Variants in DCC observed in about 807,000 individuals in gnomAD.
The protein encoded by DCC is DCC netrin 1 receptor, also known as netrin receptor DCC.
Under a neutral mutation model 172.5 loss-of-function variants are expected in DCC, and 58 were observed. The observed-to-expected ratio is 0.34, with a 90% CI of 0.27 to 0.42. DCC has a LOEUF of 0.42. DCC is among the 10% of genes least tolerant of loss of function. The pLI, the probability that DCC is intolerant of heterozygous loss-of-function variation, is 1.00. For synonymous variants in DCC, 709 were observed against 644.5 expected (o/e 1.10, Z -1.52); for missense variants, 1,740 against 1,791.0 (o/e 0.97, Z 0.51).
At chr18:52,673,749 T>G (rs948789420) in intron 1 of DCC, among the ~76,000 whole-genome samples, 4 of 152,238 alleles carry the variant, frequency 2.6e-5, no homozygotes, top group Non-Finnish European at 4.4e-5. Context: ...CTAATGTTCT[T>G]TCACTGAAGA....
At chr18:53,058,042 T>C (rs935490097) in intron 5 of DCC, among the ~76,000 whole-genome samples, 2 of 151,888 alleles carry the variant, frequency 1.3e-5, no homozygotes. Flanking sequence ...GGAGAATAAA[T>C]AGAACATATA....
chr18:52,368,328 G>A (rs1332076818), intron 1 of DCC, among the ~76,000 whole-genome samples: 1 of 152,076 alleles, frequency 6.6e-6, no homozygotes. Context: ...TTTAGAATTG[G>A]TAAGTAGTTG....
At chr18:53,216,393 C>T (rs1464960085) in intron 12 of DCC, among the ~76,000 whole-genome samples, 1 of 152,124 alleles carries the variant, frequency 6.6e-6, no homozygotes, top group African/African-American at 2.4e-5. Flanking sequence ...TGGGAGACAG[C>T]AGAGAAATGA....
chr18:52,642,848 G>A (rs1345785010), intron 1 of DCC, among the ~76,000 whole-genome samples: 1 of 152,122 alleles, frequency 6.6e-6, no homozygotes, highest in Non-Finnish European at 1.5e-5. Context: ...ATATTTTGTA[G>A]AGATGAGGTC....
chr18:52,860,487 A>G (rs1391632896), intron 2 of DCC, among the ~76,000 whole-genome samples: 1 of 152,192 alleles, frequency 6.6e-6, no homozygotes, highest in African/African-American at 2.4e-5. Flanking sequence ...AAATAAAAAA[A>G]CCTCCAAAAC....
At chr18:52,442,273 A>G (rs761897256) in intron 1 of DCC, among the ~76,000 whole-genome samples, 24 of 152,190 alleles carry the variant, frequency 1.6e-4, no homozygotes, top group Non-Finnish European at 2.8e-4. Flanking sequence ...TATAGCTAAC[A>G]CCATGAAGAA....
At chr18:53,261,372 C>G (rs1324694068) in intron 12 of DCC, among the ~76,000 whole-genome samples, 1 of 152,162 alleles carries the variant, frequency 6.6e-6, no homozygotes, top group Non-Finnish European at 1.5e-5. Context: ...GTTTTGTGTC[C>G]TCTTCTCCTG....
intron 25 of DCC, among the ~76,000 whole-genome samples, chr18:53,480,090 C>T (rs1255959070): frequency 2.0e-5 from 3 of 152,138 alleles, no homozygotes; most frequent in African/African-American, 4.8e-5. Flanking sequence ...AAAATGTACA[C>T]CTGGATGTTC....
intron 1 of DCC, among the ~76,000 whole-genome samples, chr18:52,367,448 C>CAGCA (rs1192963438): frequency 6.6e-6 from 1 of 152,232 alleles, no homozygotes; most frequent in Non-Finnish European, 1.5e-5. Context: ...TGAGGACTGC[C>CAGCA]AGCACGCTGT....
chr18:52,635,844 C>G (rs925185543), intron 1 of DCC, among the ~76,000 whole-genome samples: 5 of 152,098 alleles, frequency 3.3e-5, no homozygotes, highest in African/African-American at 1.2e-4. Context: ...TCACCGTGAA[C>G]GGGAGCCAGG....
intron 7 of DCC, among the ~76,000 whole-genome samples, chr18:53,089,113 T>C (rs2042964459): frequency 6.6e-6 from 1 of 152,144 alleles, no homozygotes; most frequent in Non-Finnish European, 1.5e-5. Flanking sequence ...TGAGACAGAG[T>C]CTCGCTCTGC....
At chr18:53,271,459 T>A (rs1047541230) in intron 12 of DCC, among the ~76,000 whole-genome samples, 3 of 152,156 alleles carry the variant, frequency 2.0e-5, no homozygotes, top group African/African-American at 7.2e-5. Context: ...CTGTCTCAAG[T>A]TATGAATAGG....
At chr18:52,950,691 G>A (rs1463762975) in intron 5 of DCC, among the ~76,000 whole-genome samples, 8 of 151,890 alleles carry the variant, frequency 5.3e-5, no homozygotes, top group African/African-American at 1.7e-4. Context: ...TTGGGAGGCC[G>A]AGGGGGGTGG....
intron 1 of DCC, among the ~76,000 whole-genome samples, chr18:52,475,764 T>C (rs767014857): frequency 1.3e-5 from 2 of 152,176 alleles, no homozygotes; most frequent in Non-Finnish European, 2.9e-5. Flanking sequence ...GGATAGATTA[T>C]TAGCTTAGAG....
intron 2 of DCC, among the ~76,000 whole-genome samples, chr18:52,753,228 T>C (rs1199356249): frequency 6.6e-6 from 1 of 152,198 alleles, no homozygotes. Flanking sequence ...CTATCTAATT[T>C]ACATTTTCAC....
chr18:53,018,059 C>G (rs2041832558), intron 5 of DCC, among the ~76,000 whole-genome samples: 1 of 152,188 alleles, frequency 6.6e-6, no homozygotes, highest in South Asian at 2.1e-4. Flanking sequence ...CACGTTAATA[C>G]AATTGCTTGA....
At chr18:52,704,914 C>CATTT (rs1314822647) in intron 1 of DCC, among the ~76,000 whole-genome samples, 1 of 152,130 alleles carries the variant, frequency 6.6e-6, no homozygotes, top group Non-Finnish European at 1.5e-5. Flanking sequence ...GCAGCCTGGC[C>CATTT]ATTTACGTTC....
intron 27 of DCC, among the ~76,000 whole-genome samples, chr18:53,508,020 A>AT (rs2046203814): frequency 4.4e-5 from 1 of 22,926 alleles, no homozygotes; most frequent in South Asian, 9.8e-4. Flanking sequence ...CAGCCTCCCG[A>AT]GAGCTGGGAC....
intron 1 of DCC, among the ~76,000 whole-genome samples, chr18:52,656,153 G>A (rs374487937): frequency 6.7e-6 from 1 of 150,022 alleles, no homozygotes; most frequent in Non-Finnish European, 1.5e-5. Flanking sequence ...TTGATGCTAT[G>A]GTCTAAATGT....
Sources: allele counts gnomAD v4.1 joint callset (sites outside exome capture counted in the v4.1 genomes callset), GRCh38; gene constraint gnomAD v4.1.1; transcripts MANE v1.5; gene names NCBI Gene and HGNC (gene_info 2026-07-23, HGNC 2026-07-21).